Variants in IRS4 observed in about 807,000 individuals in gnomAD.
IRS4 encodes 160 kDa phosphotyrosine protein.
IRS4 carries 15 observed loss-of-function variants against 48.6 expected under a neutral mutation model. That is an observed-to-expected ratio of 0.31 (90% CI 0.21 to 0.48). The LOEUF (loss-of-function observed/expected upper bound fraction) is 0.48, where lower values mean the gene tolerates loss of function less well. Ranked by LOEUF, IRS4 falls within the 20% of genes least tolerant of loss-of-function variation. The pLI, the probability that IRS4 is intolerant of heterozygous loss-of-function variation, is 0.99. For missense variants in IRS4, 987 were observed against 1,023.4 expected (o/e 0.96, Z 0.49); for synonymous variants, 459 against 413.2 (o/e 1.11, Z -1.34).
chrX:108,734,567 C>A lies in IRS4; in HGVS notation c.1778G>T (p.Gly593Val), dbSNP rs2068932452. 2.5e-6 allele frequency: 3 copies of A among 1,211,657 alleles called. No homozygotes were observed. Among genetic ancestry groups the A allele is most frequent in the Non-Finnish European group, 2.2e-6 (2 of 895,528 alleles). The part of the protein sequence containing the change: ...GGGKNSGGGK[G>V]SGSGKGSDGD... Reference sequence around the variant, plus strand: ...ATCGGATCCTTTCCCACTTCCTGAGCCTTTGCCCCCCCCAGAGTTCTTGCC... The same window carrying A: ...ATCGGATCCTTTCCCACTTCCTGAGACTTTGCCCCCCCCAGAGTTCTTGCC... The change falls in exon 1 of 2, where the codon GGC becomes GTC. Residue 593 changes from glycine to valine, a missense_variant. Gly to Val is a moderately radical substitution (Grantham distance 109). This residue lies in a region of IRS4 where 720 missense variants were observed against 660.3 expected (regional missense o/e 1.09). Transcript: ENST00000372129.
rs1326837724 is a variant in IRS4 at position 108,734,216 on chromosome X, G to T, written c.2129C>A (p.Pro710His). Residue 710 changes from proline to histidine, a missense_variant, in exon 1 of 2, where the codon CCT (proline) becomes CAT (histidine). Transcript: ENST00000372129. ...YVPMRPGVAT[P>H]LVSSSDYMPM... ...CATATAATCACTGGAGCTTACAAGA[G>T]GGGTGGCCACCCCTGGCCTCATTGG... 8.3e-7 allele frequency: 1 copy of T among 1,211,372 alleles called. No individual in the cohort carries two copies. Among genetic ancestry groups the T allele is most frequent in the South Asian group, 1.8e-5 (1 of 56,956 alleles).
At position 108,733,210 on chromosome X, in the gene IRS4, G is replaced by T. The variant is rs748235890; in HGVS notation, c.3135C>A (p.Ile1045=). 3 of 1,211,756 alleles carry T rather than the reference G, an allele frequency of 2.5e-6. No individual in the cohort carries two copies. The East Asian group carries it at 8.9e-5, about 36-fold the overall frequency. ...AIRYDAETGR[I]YVVDPFSECC... is the part of the protein sequence containing the mutation. The stretch of plus-strand genomic sequence containing the variant: ...ACTCAGAAAATGGGTCGACCACATA[G>T]ATTCGACCTGTTTCAGCATCATAGC... The change falls in exon 1 of 2, where the codon ATC becomes ATA. Residue 1045 remains isoleucine (I), a synonymous_variant. Transcript: ENST00000372129.
chrX:108,732,609 G>A lies in IRS4; in HGVS notation c.3736C>T (p.Arg1246Cys). ...DTHVRMDFAR[R>C]DNQFDSPKRE Reference sequence around the variant, plus strand: ...TTGGGAGAGTCGAACTGATTATCACGTCTGGCAAAATCCATTCTCACGTGA... The same window carrying A: ...TTGGGAGAGTCGAACTGATTATCACATCTGGCAAAATCCATTCTCACGTGA... The change falls in exon 1 of 2, where the codon CGT becomes TGT. Residue 1246 changes from arginine (R) to cysteine (C), a missense_variant. Transcript: ENST00000372129. 1.7e-6 allele frequency: 2 copies of A among 1,211,399 alleles called. No homozygotes were observed. Among genetic ancestry groups the A allele is most frequent in the Non-Finnish European group, 2.2e-6 (2 of 895,307 alleles).
At position 108,726,351 on chromosome X, in the gene IRS4, G is replaced by A. The variant is rs747252237; in HGVS notation, c.3767-3828C>T. Reference sequence around the variant, plus strand: ...AGACTCCAGGAATATATGTCTTCCAGCCATGGCAATAGGAATTGTGTCCCC... The same window carrying A: ...AGACTCCAGGAATATATGTCTTCCAACCATGGCAATAGGAATTGTGTCCCC... On this transcript the variant is annotated intron_variant, in intron 1 of 1. Transcript: ENST00000372129. The A allele has an allele frequency of 1.7e-4, 19 of 111,674 alleles. No homozygotes were observed. In the Admixed American group the frequency reaches 1.7e-3, roughly 10 times the overall value. The allele number at this position is 111,674 out of a possible 1,213,427, so 9.2% of individuals were successfully genotyped here. A position where few individuals can be genotyped will look rare whatever the true frequency, so the allele number is the denominator to read the frequency against.
At position 108,735,427 on chromosome X, in the gene IRS4, C is replaced by T. The variant is rs1416942244; in HGVS notation, c.918G>A (p.Glu306=). Reference sequence around the variant, plus strand: ...CACAGTCATCGACCTGCATCCAGAGCTCTCCCGGACCGATGACAGTGGACC... The same window carrying T: ...CACAGTCATCGACCTGCATCCAGAGTTCTCCCGGACCGATGACAGTGGACC... ...VGRSTVIGPG[E]LWMQVDDCVV... Residue 306 remains glutamate, a synonymous_variant, in exon 1 of 2, where the codon GAG becomes GAA. Coordinates refer to ENST00000372129, the MANE Select transcript of IRS4 (RefSeq NM_001379150.1). The T allele has an allele frequency of 8.3e-7, 1 of 1,208,679 alleles. No individual in the cohort carries two copies. Among genetic ancestry groups the T allele is most frequent in the Non-Finnish European group, 1.1e-6 (1 of 895,000 alleles).
At position 108,727,790 on chromosome X, in the gene IRS4, T is replaced by C. The variant is rs987796600; in HGVS notation, c.3766+4789A>G. On this transcript the variant is annotated intron_variant, in intron 1 of 1. Transcript: ENST00000372129. ...ACTTAATTGTAAACAGGGATTTCTA[T>C]GTCCCAAGGAGAGAGTTTGATTTTC... is the stretch of plus-strand genomic sequence containing the variant. Among the ~76,000 whole-genome samples the C allele has an allele frequency of 7.1e-5, 8 of 112,380 alleles. No individual in the cohort carries two copies. The Admixed American group carries it at 7.5e-4, about 11-fold the overall frequency.
In IRS4 at chrX:108,721,114, C is replaced by G. The variant is rs983776670; in HGVS notation, c.*1405G>C. ...ATCTACAATCACATGTACACAGGTA[C>G]ACAAAGTGTGCATACACACGAATAT... On this transcript the variant is annotated 3_prime_UTR_variant, in exon 2 of 2. Transcript: ENST00000372129. 7 of 112,857 alleles carry G rather than the reference C, an allele frequency of 6.2e-5. No homozygotes were observed. The allele number at this position is 112,857 out of a possible 1,213,427, so 9.3% of individuals were successfully genotyped here. A position where few individuals can be genotyped will look rare whatever the true frequency, so the allele number is the denominator to read the frequency against.
chrX:108,732,914 G>C lies in IRS4; in HGVS notation c.3431C>G (p.Pro1144Arg), dbSNP rs45602935. The stretch of plus-strand genomic sequence containing the variant: ...AGCTGCGGCTGCTGCGCCGATGCCC[G>C]GGGCTGCGGCGAGCGCGGAGGCCGC... The part of the protein sequence containing the change: ...VAAASALAAA[P>R]GIGAAAAAAG... The change falls in exon 1 of 2, where the codon CCG becomes CGG. Residue 1144 changes from proline (P) to arginine (R), a missense_variant. By Grantham distance (103) the Pro-to-Arg change is moderately radical. Transcript: ENST00000372129. 2.6e-6 allele frequency: 3 copies of C among 1,173,827 alleles called. No individual in the cohort carries two copies. Among genetic ancestry groups the C allele is most frequent in the Non-Finnish European group, 3.4e-6 (3 of 876,569 alleles).
rs2068882435 is a variant in IRS4, at chrX:108,727,803, G to T, written c.3766+4776C>A. ...CAGGGATTTCTATGTCCCAAGGAGA[G>T]AGTTTGATTTTCAAGGCTTCTAAAA... On this transcript the variant is annotated intron_variant, in intron 1 of 1. Transcript: ENST00000372129. Among the ~76,000 whole-genome samples the T allele has an allele frequency of 3.6e-5, 4 of 112,057 alleles. No homozygotes were observed. In the South Asian group the frequency reaches 1.1e-3, roughly 31 times the overall value.
rs766232142 is a variant in IRS4 at position 108,732,672 on chromosome X, G to T, written c.3673C>A (p.Pro1225Thr). 5 of 1,209,860 alleles carry T rather than the reference G, an allele frequency of 4.1e-6. No individual in the cohort carries two copies. The African/African-American group carries it at 5.3e-5, about 13-fold the overall frequency. The change falls in exon 1 of 2, where the codon CCC becomes ACC. Residue 1225 changes from proline (P) to threonine (T), a missense_variant. Pro to Thr is a conservative substitution (Grantham distance 38). Around this residue, in one of 4 missense-constraint regions of IRS4, gnomAD observed 720 missense variants for 660.3 expected, o/e 1.09. Transcript: ENST00000372129. ...PPPRSRRVPR[P>T]PEREDSDNDD... ...TTGTCAGAATCTTCTCTCTCCGGGG[G>T]TCTTGGCACCCGGCGACTGCGAGGT...
rs781022944 is a variant in IRS4 at position 108,733,093 on chromosome X, G to T, written c.3252C>A (p.Arg1084=). ...AGAAACTTTGAGAACGGCTTTGTGGGCGTCTTCTCTCCTGCTCTTCTTCCT... is the reference window on the plus strand; with the variant it reads ...AGAAACTTTGAGAACGGCTTTGTGGTCGTCTTCTCTCCTGCTCTTCTTCCT... ...LLQEEEQERR[R]PQSRSQSFFA... is the part of the protein sequence containing the mutation. The change falls in exon 1 of 2, where the codon CGC becomes CGA. Residue 1084 remains arginine, a synonymous_variant. Transcript: ENST00000372129. The T allele has an allele frequency of 3.7e-5, 45 of 1,210,210 alleles. No homozygotes were observed. Among genetic ancestry groups the T allele is most frequent in the Non-Finnish European group, 4.4e-5 (39 of 895,267 alleles).
At chrX:108,729,999 T>C (rs780814342) in intron 1 of IRS4, among the ~76,000 whole-genome samples, 5 of 112,103 alleles carry the variant, frequency 4.5e-5, no homozygotes, top group African/African-American at 1.6e-4. Context: ...GGCACTGTTC[T>C]AAGCACCTGC....
At position 108,734,603 on chromosome X, in the gene IRS4, C is replaced by G. The variant is rs749399577; in HGVS notation, c.1742G>C (p.Gly581Ala). 8.3e-7 allele frequency: 1 copy of G among 1,209,685 alleles called. No homozygotes were observed. Among genetic ancestry groups the G allele is most frequent in the Admixed American group, 2.2e-5 (1 of 45,780 alleles). Residue 581 changes from glycine (G) to alanine (A), a missense_variant, in exon 1 of 2, where the codon GGC (glycine) becomes GCC (alanine). Gly to Ala is a moderately conservative substitution (Grantham distance 60). Transcript: ENST00000372129. ...GGGQGPGDGH[G>A]SGGGKNSGGG... ...CCCAGAGTTCTTGCCACCACCTGAG[C>G]CATGGCCATCTCCAGGTCCCTGGCC...
chrX:108,732,906 C>G lies in IRS4; in HGVS notation c.3439G>C (p.Gly1147Arg), dbSNP rs763120943. 2.8e-5 allele frequency: 33 copies of G among 1,170,648 alleles called. No homozygotes were observed. Among genetic ancestry groups the G allele is most frequent in the Non-Finnish European group, 3.7e-5 (32 of 875,426 alleles). ...AATCCAGCAGCTGCGGCTGCTGCGC[C>G]GATGCCCGGGGCTGCGGCGAGCGCG... The part of the protein sequence containing the change: ...ASALAAAPGI[G>R]AAAAAAGFDS... The change falls in exon 1 of 2, where the codon GGC becomes CGC. Residue 1147 changes from glycine to arginine, a missense_variant. Around this residue, in one of 4 missense-constraint regions of IRS4, gnomAD observed 720 missense variants for 660.3 expected, o/e 1.09. Transcript: ENST00000372129.
rs1274430849 is a variant in IRS4 at position 108,732,573 on chromosome X, A to G, written c.3766+6T>C. The G allele has an allele frequency of 9.1e-6, 11 of 1,210,418 alleles. No individual in the cohort carries two copies. Among genetic ancestry groups the G allele is most frequent in the Non-Finnish European group, 1.1e-5 (10 of 894,211 alleles). ...CTTTAGGGAAATTAATTCTAAAATTACCGACCTCTTTTGGGAGAGTCGAAC... is the reference window on the plus strand; with the variant it reads ...CTTTAGGGAAATTAATTCTAAAATTGCCGACCTCTTTTGGGAGAGTCGAAC... On this transcript the variant is annotated splice_donor_region_variant and intron_variant, in intron 1 of 1. Transcript: ENST00000372129.
chrX:108,730,298 ACACCACCAC>A (rs1177982399), intron 1 of IRS4, among the ~76,000 whole-genome samples: 30 of 105,779 alleles, frequency 2.8e-4, no homozygotes, highest in African/African-American at 5.9e-4. Context: ...ACCACCATCA[ACACCACCAC>A]CACCACCACC....
At chrX:108,727,015 C>A (rs2068880136) in intron 1 of IRS4, 1 of 111,891 alleles carries the variant, frequency 8.9e-6, no homozygotes, top group Non-Finnish European at 1.9e-5. Flanking sequence ...CAGTGGCCCT[C>A]ACCTTTTCAG....
chrX:108,735,171 C>G lies in IRS4; in HGVS notation c.1174G>C (p.Glu392Gln), dbSNP rs143812272. ...ACGAAGCGCCTGGTGAAAAGCATCTCGTCTTCCCCGTCGCCGATGGCCCTG... is the reference window on the plus strand; with the variant it reads ...ACGAAGCGCCTGGTGAAAAGCATCTGGTCTTCCCCGTCGCCGATGGCCCTG... The part of the protein sequence containing the change: ...HLRAIGDGED[E>Q]MLFTRRFVTP... Residue 392 changes from glutamate to glutamine, a missense_variant, in exon 1 of 2, where the codon GAG (glutamate) becomes CAG (glutamine). Physicochemically the swap from Glu to Gln is conservative, Grantham distance 29 (BLOSUM62 2). Around this residue, in one of 4 missense-constraint regions of IRS4, gnomAD observed 74 missense variants for 100.4 expected, o/e 0.74. Coordinates refer to ENST00000372129, the MANE Select transcript of IRS4 (RefSeq NM_001379150.1). 1 of 1,209,374 alleles carries G rather than the reference C, an allele frequency of 8.3e-7. No individual in the cohort carries two copies. The highest frequency in any genetic ancestry group is 1.1e-6 in the Non-Finnish European group (1 of 895,208).
At chrX:108,732,128 T>C (rs749725271) in intron 1 of IRS4, among the ~76,000 whole-genome samples, 2 of 112,722 alleles carry the variant, frequency 1.8e-5, no homozygotes, top group South Asian at 3.6e-4. Context: ...ACATAAATAG[T>C]TGATTATTAC....
Sources: allele counts gnomAD v4.1 joint callset (sites outside exome capture counted in the v4.1 genomes callset), GRCh38; gene constraint gnomAD v4.1.1; regional missense constraint gnomAD v4.1.1; transcripts MANE v1.5; gene names NCBI Gene and HGNC (gene_info 2026-07-23, HGNC 2026-07-21).